AMOT: variants seen among roughly 807,000 people sequenced by gnomAD.
AMOT encodes the protein angiomotin.
AMOT carries 11 observed loss-of-function variants against 67.0 expected under a neutral mutation model. The ratio of observed to expected loss-of-function variants is 0.16; its 90% CI spans 0.10 to 0.27. The LOEUF (loss-of-function observed/expected upper bound fraction) is 0.27, where lower values mean the gene tolerates loss of function less well. Among genes scored for constraint, AMOT ranks in the 10% least tolerant of loss-of-function variants. The pLI is 1.00. For missense variants in AMOT, 753 were observed against 852.0 expected (o/e 0.88, Z 1.45); for synonymous variants, 326 against 321.4 (o/e 1.01, Z -0.15).
chrX:112,811,624 A>G (rs778521679), intron 5 of AMOT, among the ~76,000 whole-genome samples: 3 of 112,039 alleles, frequency 2.7e-5, no homozygotes, highest in Non-Finnish European at 3.8e-5. Flanking sequence ...TTAAAAAAAT[A>G]GACAATTTCT....
At chrX:112,792,593 C>T (rs1369293897) in intron 8 of AMOT, among the ~76,000 whole-genome samples, 1 of 111,827 alleles carries the variant, frequency 8.9e-6, no homozygotes, top group African/African-American at 3.3e-5. Context: ...AAAGTTTCTG[C>T]TTCTCAAAAG....
rs371801345 is a variant in AMOT at position 112,783,355 on chromosome X, G to C, written c.2118-693C>G. ...ATTTTATTCTCCTAGAAGTCATAGA[G>C]GGGGAAAGGTCAGACTTTCAAGAAA... On this transcript the variant is annotated intron_variant, in intron 10 of 13. Coordinates refer to ENST00000371959, the MANE Select transcript of AMOT (RefSeq NM_001113490.2). 5.4e-5 allele frequency among the ~76,000 whole-genome samples: 6 copies of C among 110,348 alleles called. No homozygotes were observed. In the East Asian group the frequency reaches 1.1e-3, roughly 21 times the overall value.
chrX:112,797,920 G>GAA (rs1176904926), intron 8 of AMOT, among the ~76,000 whole-genome samples: 1 of 110,851 alleles, frequency 9.0e-6, no homozygotes, highest in Non-Finnish European at 1.9e-5. Context: ...AAGAAAGAAA[G>GAA]AAAAAGCAAA....
chrX:112,822,569 A>G lies in AMOT; in HGVS notation c.558T>C (p.Ser186=). 8.6e-7 allele frequency: 1 copy of G among 1,167,397 alleles called. No individual in the cohort carries two copies. Among genetic ancestry groups the G allele is most frequent in the Non-Finnish European group, 1.1e-6 (1 of 872,954 alleles). The stretch of plus-strand genomic sequence containing the variant: ...TAACAGGTGGATGGGCCTTAACTCC[A>G]CTGGTGGCCAGTGACATCTGCATTA... ...ERLMQMSLAT[S]GVKAHPPVTS... Residue 186 remains serine, a synonymous_variant, in exon 4 of 14, where the codon AGT becomes AGC. Transcript: ENST00000371959.
intron 2 of AMOT, among the ~76,000 whole-genome samples, chrX:112,825,424 A>G (rs1934819343): frequency 9.0e-6 from 1 of 111,708 alleles, no homozygotes; most frequent in African/African-American, 3.3e-5. Context: ...CCGGAAGGCC[A>G]GGCCAGTCTC....
At chrX:112,784,172 G>T (rs964159787) in intron 10 of AMOT, among the ~76,000 whole-genome samples, 1 of 111,966 alleles carries the variant, frequency 8.9e-6, no homozygotes, top group Non-Finnish European at 1.9e-5. Context: ...TTTCTCTAGT[G>T]CAATTCACTG....
chrX:112,815,831 G>T lies in AMOT; in HGVS notation c.919C>A (p.Pro307Thr). ...SLPLSARNSQ[P>T]HSPTSSLTSG... ...GTCAGAGAAGAAGTAGGGCTGTGAG[G>T]CTGCGAGTTCCTGGCTGACAATGGC... is the stretch of plus-strand genomic sequence containing the variant. The change falls in exon 5 of 14, where the codon CCT (proline) becomes ACT (threonine). Residue 307 changes from proline to threonine, a missense_variant. By Grantham distance (38) the Pro-to-Thr change is conservative. This residue lies in a region of AMOT where 297 missense variants were observed against 284.3 expected (regional missense o/e 1.04). Transcript: ENST00000371959. The T allele has an allele frequency of 8.6e-7, 1 of 1,167,110 alleles. No homozygotes were observed. The highest frequency in any genetic ancestry group is 2.6e-5 in the Admixed American group (1 of 38,691).
At chrX:112,831,830 A>AT (rs57610141) in intron 2 of AMOT, among the ~76,000 whole-genome samples, 1 of 62,275 alleles carries the variant, frequency 1.6e-5, no homozygotes, top group African/African-American at 2.2e-4. Context: ...ACTTCTGGGG[A>AT]AAAAAAAAAA....
chrX:112,800,276 GAAAGAAAGAAAAGA>G (rs1040655988), intron 8 of AMOT, among the ~76,000 whole-genome samples: 5 of 111,025 alleles, frequency 4.5e-5, no homozygotes, highest in African/African-American at 9.8e-5. Context: ...GAGAACAAAA[GAAAGAAAGAAAAGA>G]AAAGAAAGAA....
At chrX:112,786,739 T>A (rs1390758207) in intron 10 of AMOT, among the ~76,000 whole-genome samples, 1 of 112,443 alleles carries the variant, frequency 8.9e-6, no homozygotes, top group Non-Finnish European at 1.9e-5. Context: ...AATACAGATT[T>A]AAATCCTAGT....
Position 112,811,250 on chromosome X carries a change from T to C in AMOT, c.1536A>G (p.Arg512=). The C allele has an allele frequency of 8.3e-7, 1 of 1,210,649 alleles. No homozygotes were observed. Among genetic ancestry groups the C allele is most frequent in the Non-Finnish European group, 1.1e-6 (1 of 894,896 alleles). ...RRMHDFNRDL[R]ERLETANKQL... ...AGACAAGTCTGTTGGTTCCCTCACC[T>C]CTCAGATCCCTGTTGAAATCATGCA... The change falls in exon 6 of 14, where the codon AGA becomes AGG. Residue 512 remains arginine (R), a splice_region_variant and synonymous_variant. Coordinates refer to ENST00000371959, the MANE Select transcript of AMOT (RefSeq NM_001113490.2).
At chrX:112,834,196 G>A (rs769135714) in intron 1 of AMOT, among the ~76,000 whole-genome samples, 28 of 111,625 alleles carry the variant, frequency 2.5e-4, no homozygotes, top group African/African-American at 5.5e-4. Flanking sequence ...ATGCACCACC[G>A]TCATTCTCCT....
chrX:112,832,916 C>G (rs148977758), intron 1 of AMOT, among the ~76,000 whole-genome samples: 8 of 111,717 alleles, frequency 7.2e-5, no homozygotes, highest in African/African-American at 2.3e-4. Context: ...GCCTGAGTCA[C>G]TCTCTGAAGG....
At chrX:112,790,162 G>A (rs914126143) in intron 10 of AMOT, among the ~76,000 whole-genome samples, 2 of 106,678 alleles carry the variant, frequency 1.9e-5, no homozygotes, top group Non-Finnish European at 3.8e-5. Context: ...GACATACCTT[G>A]GACAAGCCAG....
intron 2 of AMOT, among the ~76,000 whole-genome samples, chrX:112,830,652 C>T: frequency 8.9e-6 from 1 of 112,062 alleles, no homozygotes; most frequent in Non-Finnish European, 1.9e-5. Context: ...GGGAAAGAAG[C>T]CAAGAGAAGC....
At chrX:112,805,463 T>C (rs1934151934) in intron 7 of AMOT, among the ~76,000 whole-genome samples, 1 of 110,731 alleles carries the variant, frequency 9.0e-6, no homozygotes, top group African/African-American at 3.3e-5. Context: ...ATTTTATTTC[T>C]TCCAAATTGT....
chrX:112,830,712 C>T (rs1934966677), intron 2 of AMOT, among the ~76,000 whole-genome samples: 2 of 111,841 alleles, frequency 1.8e-5, no homozygotes, highest in Non-Finnish European at 3.8e-5. Flanking sequence ...ATGCGGGCTC[C>T]CCTGTGAATC....
chrX:112,804,575 T>C (rs764880252), intron 8 of AMOT, among the ~76,000 whole-genome samples: 4 of 111,644 alleles, frequency 3.6e-5, no homozygotes, highest in Non-Finnish European at 7.5e-5. Context: ...AAAATATACA[T>C]CTATACATAT....
chrX:112,782,443 G>C, intron 11 of AMOT, 97 bp downstream of exon 11: 1 of 1,111,953 alleles, frequency 9.0e-7, no homozygotes, highest in Non-Finnish European at 1.2e-6. Flanking sequence ...GTGGAGCGGG[G>C]AGGCTGCATG....
Sources: gnomAD v4.1 joint callset for allele counts (sites outside exome capture counted in the v4.1 genomes callset) on GRCh38, gnomAD v4.1.1 for gene constraint, gnomAD v4.1.1 regional missense constraint, MANE v1.5 for transcripts, NCBI Gene and HGNC (gene_info 2026-07-23, HGNC 2026-07-21) for gene names.